The following PAG1 variants were observed in gnomAD, a reference collection of about 807,000 sequenced individuals.
PAG1 encodes the protein phosphoprotein membrane anchor with glycosphingolipid microdomains 1.
A neutral mutation model predicts 31.7 loss-of-function variants in PAG1; 23 were observed. The observed-to-expected ratio is 0.73, with a 90% confidence interval of 0.52 to 1.03. The LOEUF (loss-of-function observed/expected upper bound fraction) is 1.03. PAG1 is among the 50% of genes least tolerant of loss of function. PAG1 has a pLI of 0.00. For missense variants in PAG1, 473 were observed against 540.7 expected, an observed-to-expected ratio of 0.87 and a Z score of 1.24; for synonymous variants, 214 against 210.3, an observed-to-expected ratio of 1.02 and a Z score of -0.15.
At chr8:81,032,016 T>A (rs1331273456) in intron 2 of PAG1, among the ~76,000 whole-genome samples, 2 of 152,202 alleles carry the variant, frequency 1.3e-5, no homozygotes, top group Non-Finnish European at 2.9e-5. Context: ...GACAGCCATA[T>A]ATAAAAGAAT....
intron 3 of PAG1, among the ~76,000 whole-genome samples, chr8:81,004,153 C>T (rs548327494): frequency 6.6e-6 from 1 of 152,138 alleles, no homozygotes; most frequent in Non-Finnish European, 1.5e-5. Flanking sequence ...AGATGGTGCA[C>T]GGACAGGTAA....
chr8:81,077,099 G>A (rs1043803652), intron 1 of PAG1, among the ~76,000 whole-genome samples: 5 of 152,210 alleles, frequency 3.3e-5, no homozygotes, highest in African/African-American at 9.7e-5. Context: ...GCTAAACAGT[G>A]TGTGATCTGC....
At position 81,042,962 on chromosome 8, in the gene PAG1, A is replaced by G. The variant is rs1222937294; in HGVS notation, c.-174-12873T>C. Among the ~76,000 whole-genome samples, 6 of 152,222 alleles carry G rather than the reference A, an allele frequency of 3.9e-5. No individual in the cohort carries two copies. The South Asian group carries it at 8.3e-4, about 21-fold the overall frequency. On this transcript the variant is annotated intron_variant, in intron 2 of 8. Coordinates refer to ENST00000220597, the MANE Select transcript of PAG1 (RefSeq NM_018440.4). ...CTTATGCTGATGGGCTCCACCAATC[A>G]TAGTTGAAGATGCATAAATCCTCCT...
chr8:81,015,365 C>T (rs1808055131), intron 3 of PAG1, among the ~76,000 whole-genome samples: 1 of 152,156 alleles, frequency 6.6e-6, no homozygotes, highest in Admixed American at 6.5e-5. Flanking sequence ...TGTACTTGAC[C>T]GTCTCTGGTT....
chr8:81,099,344 T>G (rs1200139506), intron 1 of PAG1, among the ~76,000 whole-genome samples: 1 of 152,220 alleles, frequency 6.6e-6, no homozygotes, highest in African/African-American at 2.4e-5. Context: ...ATTATTTTTG[T>G]AGACAGAGTT....
At chr8:81,025,334 T>C (rs1181787078) in intron 3 of PAG1, among the ~76,000 whole-genome samples, 1 of 152,220 alleles carries the variant, frequency 6.6e-6, no homozygotes, top group African/African-American at 2.4e-5. Flanking sequence ...GCTGAACCCA[T>C]GTCTCCCAAA....
At chr8:81,047,989 G>A (rs16908468) in intron 2 of PAG1, among the ~76,000 whole-genome samples, 17,262 of 152,258 alleles carry the variant, frequency 0.11, 1,119 homozygotes, top group East Asian at 0.22. Flanking sequence ...GTACTCAAAT[G>A]CACCATTTCC....
Position 81,077,635 on chromosome 8 carries a change from C to T in PAG1, c.-233-7465G>A, listed in dbSNP as rs551382070. ...TTTGTCCACAACTAAGTTTTTTTTTCGCATTTAGAAATCTGAAAGGAATTT... is the reference window on the plus strand; with the variant it reads ...TTTGTCCACAACTAAGTTTTTTTTTTGCATTTAGAAATCTGAAAGGAATTT... On this transcript the variant is annotated intron_variant, in intron 1 of 8. Coordinates refer to ENST00000220597, the MANE Select transcript of PAG1 (RefSeq NM_018440.4). Among the ~76,000 whole-genome samples, 7 of 151,514 alleles carry T rather than the reference C, an allele frequency of 4.6e-5. No individual in the cohort carries two copies. The Middle Eastern group carries it at 0.01, about 221-fold the overall frequency.
intron 2 of PAG1, among the ~76,000 whole-genome samples, chr8:81,041,697 CAG>C (rs1738900948): frequency 6.6e-6 from 1 of 152,162 alleles, no homozygotes; most frequent in South Asian, 2.1e-4. Context: ...TTCTCCCCTT[CAG>C]ATGGAGAACC....
intron 1 of PAG1, among the ~76,000 whole-genome samples, chr8:81,097,781 A>G (rs1448019480): frequency 5.3e-5 from 8 of 152,130 alleles, no homozygotes; most frequent in Admixed American, 5.2e-4. Flanking sequence ...GTGTCTACAA[A>G]AGCATCCAGA....
chr8:81,099,357 A>G (rs563112478), intron 1 of PAG1, among the ~76,000 whole-genome samples: 1 of 152,330 alleles, frequency 6.6e-6, no homozygotes, highest in East Asian at 1.9e-4. Context: ...ACAGAGTTAC[A>G]AAAGTAGTAG....
chr8:80,995,736 C>T (rs1807660220), intron 3 of PAG1, among the ~76,000 whole-genome samples: 1 of 152,182 alleles, frequency 6.6e-6, no homozygotes, highest in Admixed American at 6.5e-5. Context: ...ATTCAAAAGC[C>T]AGATATCCAT....
intron 3 of PAG1, among the ~76,000 whole-genome samples, chr8:81,005,208 AG>A: frequency 6.6e-6 from 1 of 152,106 alleles, no homozygotes; most frequent in Non-Finnish European, 1.5e-5. Context: ...GAATAGACTT[AG>A]GGGGCTTTCC....
intron 1 of PAG1, among the ~76,000 whole-genome samples, chr8:81,096,114 T>A (rs1809524587): frequency 6.6e-6 from 1 of 152,228 alleles, no homozygotes; most frequent in Non-Finnish European, 1.5e-5. Context: ...TCACCTCACT[T>A]AAATTTTCCT....
chr8:80,988,775 A>G (rs1807478228), intron 5 of PAG1, among the ~76,000 whole-genome samples: 1 of 152,204 alleles, frequency 6.6e-6, no homozygotes, highest in Admixed American at 6.5e-5. Context: ...TTATTCTTAC[A>G]AATAAACTTA....
chr8:80,986,476 G>A (rs1807424920), intron 6 of PAG1, among the ~76,000 whole-genome samples: 1 of 152,198 alleles, frequency 6.6e-6, no homozygotes, highest in African/African-American at 2.4e-5. Context: ...ATCAGCAAGA[G>A]TACACAATGC....
intron 1 of PAG1, among the ~76,000 whole-genome samples, chr8:81,083,566 T>A (rs1045667947): frequency 4.6e-5 from 7 of 152,176 alleles, no homozygotes; most frequent in African/African-American, 1.7e-4. Context: ...GGCCACATTT[T>A]TTTTTCTGTG....
At chr8:81,094,090 T>C (rs1809489696) in intron 1 of PAG1, among the ~76,000 whole-genome samples, 1 of 152,206 alleles carries the variant, frequency 6.6e-6, no homozygotes, top group African/African-American at 2.4e-5. Flanking sequence ...TGAGAGCGTG[T>C]GGTGGAGCAG....
intron 2 of PAG1, among the ~76,000 whole-genome samples, chr8:81,049,479 A>AATT (rs1315665349): frequency 4.6e-5 from 7 of 152,214 alleles, no homozygotes; most frequent in Non-Finnish European, 1.0e-4. Flanking sequence ...CACATAAAGG[A>AATT]ATTACAATTA....
Sources: allele counts gnomAD v4.1 joint callset (sites outside exome capture counted in the v4.1 genomes callset), GRCh38; gene constraint gnomAD v4.1.1; transcripts MANE v1.5; gene names NCBI Gene and HGNC (gene_info 2026-07-23, HGNC 2026-07-21).